LRBA: variants seen among roughly 807,000 people sequenced by gnomAD.
LRBA encodes LPS responsive beige-like anchor protein.
LRBA carries 176 observed loss-of-function variants against 330.0 expected under a neutral mutation model. The observed-to-expected ratio is 0.53, with a 90% CI of 0.47 to 0.60. The LOEUF (loss-of-function observed/expected upper bound fraction) is 0.60. Ranked by LOEUF, LRBA falls within the 20% of genes least tolerant of loss-of-function variation. LRBA has a pLI of 0.00. For synonymous variants in LRBA, 1,230 were observed against 1,193.0 expected, an observed-to-expected ratio of 1.03 and a Z score of -0.64; for missense variants, 3,259 against 3,444.8, an observed-to-expected ratio of 0.95 and a Z score of 1.35.
chr4:150,914,900 T>C (rs750444245), intron 8 of LRBA, among the ~76,000 whole-genome samples: 5 of 152,156 alleles, frequency 3.3e-5, no homozygotes, highest in Non-Finnish European at 5.9e-5. Context: ...CTTTCTGAGG[T>C]ATGAATATTT....
In LRBA at chr4:150,436,778, G is replaced by C; in HGVS notation, c.6867C>G (p.His2289Gln). The change falls in exon 45 of 57, where the codon CAC becomes CAG. Residue 2289 changes from histidine to glutamine, a missense_variant. By Grantham distance (24) the His-to-Gln change is conservative (BLOSUM62 0). Transcript: ENST00000651943. ...SWEDDQVPKF[H>Q]YGTHYSTASF... ...TTGCAGTTGAGTAATGAGTACCATA[G>C]TGAAACTTTGGAACTTGATCATCTT... 1 of 1,613,504 alleles carries C rather than the reference G, an allele frequency of 6.2e-7. No homozygotes were observed.
intron 47 of LRBA, among the ~76,000 whole-genome samples, chr4:150,380,379 A>G (rs560397031): frequency 1.3e-5 from 2 of 152,284 alleles, no homozygotes; most frequent in South Asian, 2.1e-4. Context: ...TCCTCTTGAA[A>G]TAAAGCAAAT....
In LRBA at chr4:150,851,929, T is replaced by A; in HGVS notation, c.3781A>T (p.Ser1261Cys). ...TDTERLELKA[S>C]PNVEAPQPHR... ...GGTTGAGGTGCTTCCACGTTGGGACTGGCCTTCAACTCCAGCCTCTCAGTA... is the reference window on the plus strand; with the variant it reads ...GGTTGAGGTGCTTCCACGTTGGGACAGGCCTTCAACTCCAGCCTCTCAGTA... Residue 1261 changes from serine to cysteine, a missense_variant, in exon 23 of 57, where the codon AGT (serine) becomes TGT (cysteine). Physicochemically the swap from Ser to Cys is moderately radical, Grantham distance 112. Transcript: ENST00000651943. 6.2e-7 allele frequency: 1 copy of A among 1,614,052 alleles called. No homozygotes were observed. Among genetic ancestry groups the A allele is most frequent in the Non-Finnish European group, 8.5e-7 (1 of 1,179,944 alleles).
At chr4:150,557,154 G>A (rs1383281266) in intron 40 of LRBA, among the ~76,000 whole-genome samples, 1 of 152,042 alleles carries the variant, frequency 6.6e-6, no homozygotes, top group Non-Finnish European at 1.5e-5. Flanking sequence ...AGAAAATGAA[G>A]GGGTAAGTAA....
intron 34 of LRBA, among the ~76,000 whole-genome samples, chr4:150,774,647 T>C (rs1737025311): frequency 2.0e-5 from 3 of 152,168 alleles, no homozygotes; most frequent in Non-Finnish European, 4.4e-5. Context: ...GCTTTTGTGA[T>C]TAAAATGCAT....
chr4:150,596,432 T>C (rs1290694784), intron 38 of LRBA, among the ~76,000 whole-genome samples: 2 of 151,916 alleles, frequency 1.3e-5, no homozygotes, highest in Non-Finnish European at 2.9e-5. Flanking sequence ...AATGATAATA[T>C]AGTTCATGGT....
chr4:150,368,820 G>A (rs185924876), intron 47 of LRBA, among the ~76,000 whole-genome samples: 1 of 152,270 alleles, frequency 6.6e-6, no homozygotes, highest in East Asian at 1.9e-4. Context: ...AGACATTACT[G>A]CATTATCTAA....
intron 34 of LRBA, among the ~76,000 whole-genome samples, chr4:150,791,936 G>A (rs1739985793): frequency 6.7e-6 from 1 of 149,424 alleles, no homozygotes; most frequent in South Asian, 2.1e-4. Flanking sequence ...GGCTGAGGCA[G>A]GAGAATGGCA....
intron 40 of LRBA, among the ~76,000 whole-genome samples, chr4:150,572,819 T>C (rs1041775922): frequency 2.6e-5 from 4 of 152,100 alleles, no homozygotes; most frequent in African/African-American, 7.2e-5. Context: ...CTGGAGCTCA[T>C]TGATAATGAC....
intron 47 of LRBA, among the ~76,000 whole-genome samples, chr4:150,406,384 C>T (rs1006428522): frequency 3.9e-5 from 6 of 152,116 alleles, no homozygotes; most frequent in African/African-American, 1.4e-4. Context: ...TGAATAAACA[C>T]TTCAAATGGC....
At chr4:150,774,340 G>T (rs1282839244) in intron 34 of LRBA, among the ~76,000 whole-genome samples, 1 of 152,106 alleles carries the variant, frequency 6.6e-6, no homozygotes, top group East Asian at 1.9e-4. Flanking sequence ...ACTTGTCGTT[G>T]TAAGACTGAC....
chr4:150,645,112 T>G (rs1002726886), intron 37 of LRBA, among the ~76,000 whole-genome samples: 6 of 149,624 alleles, frequency 4.0e-5, no homozygotes, highest in Admixed American at 6.7e-5. Flanking sequence ...CAAAAAAAAG[T>G]TTTTTTTTCT....
At chr4:150,618,739 C>T (rs1399054536) in intron 37 of LRBA, among the ~76,000 whole-genome samples, 2 of 151,660 alleles carry the variant, frequency 1.3e-5, no homozygotes, top group African/African-American at 4.8e-5. Context: ...TTCTGGTCTG[C>T]TATAGCATTT....
chr4:150,852,755 G>A lies in LRBA; in HGVS notation c.2955C>T (p.Phe985=), dbSNP rs1217124519. 3.4e-5 allele frequency: 55 copies of A among 1,613,836 alleles called. No homozygotes were observed. Among genetic ancestry groups the A allele is most frequent in the Non-Finnish European group, 4.6e-5 (54 of 1,179,896 alleles). Reference sequence around the variant, plus strand: ...TTGAATTTTCATTACCATTTGTGGTGAAATGAGGACAGACAGGAGAATCCT... The same window carrying A: ...TTGAATTTTCATTACCATTTGTGGTAAAATGAGGACAGACAGGAGAATCCT... ...DTKDSPVCPH[F]TTNGNENSSI... The change falls in exon 23 of 57, where the codon TTC becomes TTT. Residue 985 remains phenylalanine, a synonymous_variant. Coordinates refer to ENST00000651943, the MANE Select transcript of LRBA (RefSeq NM_001364905.1).
At chr4:150,571,541 C>T (rs1433233285) in intron 40 of LRBA, among the ~76,000 whole-genome samples, 1 of 151,536 alleles carries the variant, frequency 6.6e-6, no homozygotes, top group Non-Finnish European at 1.5e-5. Context: ...TTGTATTCTC[C>T]ATTTTGTAAA....
chr4:150,806,382 C>A lies in LRBA; in HGVS notation c.5407G>T (p.Ala1803Ser). The A allele has an allele frequency of 6.2e-7, 1 of 1,608,236 alleles. No homozygotes were observed. ...NMSITERLEH[A>S]LEKAAPLLRE... Reference sequence around the variant, plus strand: ...AGGAGAGGAGCTGCCTTTTCCAAAGCGTGTTCAAGCCTCTCTGTAATACTA... The same window carrying A: ...AGGAGAGGAGCTGCCTTTTCCAAAGAGTGTTCAAGCCTCTCTGTAATACTA... Residue 1803 changes from alanine (A) to serine (S), a missense_variant, in exon 33 of 57, where the codon GCT (alanine) becomes TCT (serine). Ala to Ser is a moderately conservative substitution (Grantham distance 99). Coordinates refer to ENST00000651943, the MANE Select transcript of LRBA (RefSeq NM_001364905.1).
intron 2 of LRBA, among the ~76,000 whole-genome samples, chr4:150,945,337 T>C (rs189814872): frequency 6.6e-6 from 1 of 152,318 alleles, no homozygotes; most frequent in African/African-American, 2.4e-5. Flanking sequence ...GAGATACTTA[T>C]AACCAGCTGA....
At chr4:150,544,773 C>T (rs192555333) in intron 40 of LRBA, among the ~76,000 whole-genome samples, 223 of 152,306 alleles carry the variant, frequency 1.5e-3, no homozygotes, top group Non-Finnish European at 2.7e-3. Context: ...ATTGGGCTTA[C>T]ATATATCAAA....
intron 33 of LRBA, among the ~76,000 whole-genome samples, chr4:150,805,093 A>G (rs918419991): frequency 6.6e-5 from 10 of 151,944 alleles, no homozygotes; most frequent in Non-Finnish European, 2.9e-5. Context: ...ATTTACGGTA[A>G]ATCTACTTTC....
Sources: gnomAD v4.1 joint callset for allele counts (sites outside exome capture counted in the v4.1 genomes callset) on GRCh38, gnomAD v4.1.1 for gene constraint, MANE v1.5 for transcripts, NCBI Gene and HGNC (gene_info 2026-07-23, HGNC 2026-07-21) for gene names.